The following JARID2 variants were observed in gnomAD, a reference collection of about 807,000 sequenced individuals.
JARID2 encodes protein Jumonji.
In JARID2, 21 loss-of-function variants were observed where a neutral mutation model predicts 125.6. The observed-to-expected ratio is 0.17, with a 90% CI of 0.12 to 0.24. JARID2 has a LOEUF of 0.24. Ranked by LOEUF, JARID2 falls within the 10% of genes least tolerant of loss-of-function variation. The pLI is 1.00. For synonymous variants in JARID2, 736 were observed against 661.6 expected (o/e 1.11, Z -1.73); for missense variants, 1,303 against 1,639.6 (o/e 0.79, Z 3.55).
intron 3 of JARID2, among the ~76,000 whole-genome samples, chr6:15,446,216 T>C (rs2237140): frequency 0.55 from 84,099 of 152,056 alleles, 23,892 homozygotes; most frequent in African/African-American, 0.67. Context: ...CCAGCATCTA[T>C]GGAGGCCTTG....
At chr6:15,374,418 G>T (rs1465898861) in intron 2 of JARID2, among the ~76,000 whole-genome samples, 166 bp downstream of exon 2, 1 of 152,188 alleles carries the variant, frequency 6.6e-6, no homozygotes, top group Non-Finnish European at 1.5e-5. Flanking sequence ...TGGGTTTATA[G>T]GGTTGTTTTT....
chr6:15,452,999 A>G (rs928904794), intron 4 of JARID2, among the ~76,000 whole-genome samples: 1 of 152,226 alleles, frequency 6.6e-6, no homozygotes, highest in Non-Finnish European at 1.5e-5. Flanking sequence ...TTTATTTGAT[A>G]AATATTTTGA....
At chr6:15,368,538 G>T (rs1764054502) in intron 1 of JARID2, among the ~76,000 whole-genome samples, 1 of 152,190 alleles carries the variant, frequency 6.6e-6, no homozygotes. Flanking sequence ...TAATTTGAAT[G>T]TATATTTAAT....
chr6:15,487,238 C>A, intron 5 of JARID2, 69 bp from the exon 6 acceptor site: 1 of 1,336,358 alleles, frequency 7.5e-7, no homozygotes. Flanking sequence ...CAGAGCCAAA[C>A]CATATCAGTA....
intron 2 of JARID2, among the ~76,000 whole-genome samples, chr6:15,388,030 G>A (rs1764854732): frequency 6.6e-6 from 1 of 152,164 alleles, no homozygotes; most frequent in African/African-American, 2.4e-5. Context: ...TGACTTGTTT[G>A]TGAATAGGAT....
intron 5 of JARID2, among the ~76,000 whole-genome samples, chr6:15,479,901 G>T (rs994040758): frequency 1.3e-5 from 2 of 152,230 alleles, no homozygotes; most frequent in Admixed American, 1.3e-4. Context: ...CATTTGAACT[G>T]TTGGCACAGG....
At chr6:15,476,901 G>T (rs1403207825) in intron 5 of JARID2, among the ~76,000 whole-genome samples, 1 of 152,200 alleles carries the variant, frequency 6.6e-6, no homozygotes, top group Admixed American at 6.5e-5. Context: ...GGTAAGTGAG[G>T]TAGACTAGAG....
chr6:15,388,059 A>C (rs1174261797), intron 2 of JARID2, among the ~76,000 whole-genome samples: 1 of 152,136 alleles, frequency 6.6e-6, no homozygotes, highest in African/African-American at 2.4e-5. Flanking sequence ...GTTCTTTCTT[A>C]TAGAGTGATA....
chr6:15,345,301 C>T (rs1288046854), intron 1 of JARID2, among the ~76,000 whole-genome samples: 4 of 152,158 alleles, frequency 2.6e-5, no homozygotes, highest in African/African-American at 4.8e-5. Context: ...TTTGGAAGTA[C>T]AAAAATTCAC....
chr6:15,512,097 CA>C (rs1354740885), intron 13 of JARID2, 110 bp from the exon 14 acceptor site: 24 of 862,836 alleles, frequency 2.8e-5, no homozygotes, highest in Non-Finnish European at 4.1e-5. Context: ...CCACATAAAA[CA>C]ATCTTATCTC....
At chr6:15,400,841 AG>A (rs912503092) in intron 2 of JARID2, 1 of 1,281,972 alleles carries the variant, frequency 7.8e-7, no homozygotes, top group African/African-American at 1.5e-5. Context: ...TATTACGTAC[AG>A]GGGAGGATTG....
intron 1 of JARID2, among the ~76,000 whole-genome samples, chr6:15,350,939 T>C (rs1763402708): frequency 6.6e-6 from 1 of 151,930 alleles, no homozygotes; most frequent in Non-Finnish European, 1.5e-5. Context: ...GCTTACTTAT[T>C]CCAGGGTAGC....
chr6:15,263,575 T>A (rs1759968202), intron 1 of JARID2, among the ~76,000 whole-genome samples: 3 of 151,200 alleles, frequency 2.0e-5, no homozygotes, highest in African/African-American at 7.3e-5. Flanking sequence ...GATTGGTCCT[T>A]AACTAGAGTC....
intron 1 of JARID2, 123 bp downstream of exon 1, chr6:15,246,707 T>C (rs1759194951): frequency 1.1e-6 from 1 of 897,488 alleles, no homozygotes; most frequent in South Asian, 1.5e-5. Context: ...GGCTGTTTCT[T>C]TTTTTTCTGA....
chr6:15,346,739 ATTTT>A (rs11321575), intron 1 of JARID2, among the ~76,000 whole-genome samples: 1 of 137,384 alleles, frequency 7.3e-6, no homozygotes, highest in Non-Finnish European at 1.6e-5. Context: ...AGTAATTGTA[ATTTT>A]TTTTTTTTTT....
chr6:15,393,232 C>G (rs1285477954), intron 2 of JARID2, among the ~76,000 whole-genome samples: 1 of 152,136 alleles, frequency 6.6e-6, no homozygotes, highest in Admixed American at 6.5e-5. Flanking sequence ...ACTCAAATGC[C>G]TTTTAGTCTT....
intron 3 of JARID2, among the ~76,000 whole-genome samples, chr6:15,450,418 C>T (rs978464136): frequency 2.0e-5 from 3 of 152,198 alleles, no homozygotes; most frequent in Non-Finnish European, 4.4e-5. Context: ...GATCCACCCA[C>T]ATCGGCCTCC....
chr6:15,247,836 G>T, intron 1 of JARID2: 1 of 985,370 alleles, frequency 1.0e-6, no homozygotes, highest in Non-Finnish European at 1.2e-6. Context: ...AAGAATTTAA[G>T]AATTAAAATA....
chr6:15,438,033 C>T (rs1193280924), intron 3 of JARID2, among the ~76,000 whole-genome samples: 1 of 152,070 alleles, frequency 6.6e-6, no homozygotes, highest in Non-Finnish European at 1.5e-5. Flanking sequence ...TGTCTTGGGG[C>T]CTGTTCTGGG....
Sources: gnomAD v4.1 joint callset for allele counts (sites outside exome capture counted in the v4.1 genomes callset) on GRCh38, gnomAD v4.1.1 for gene constraint, MANE v1.5 for transcripts, NCBI Gene and HGNC (gene_info 2026-07-23, HGNC 2026-07-21) for gene names.